TACR3: variants seen among roughly 807,000 people sequenced by gnomAD.
TACR3 encodes the protein neuromedin-K receptor.
TACR3 carries 34 observed loss-of-function variants against 35.0 expected under a neutral mutation model. The observed-to-expected ratio is 0.97, with a 90% CI of 0.74 to 1.30. TACR3 has a LOEUF of 1.30. Among genes scored for constraint, TACR3 ranks in the 50% most tolerant of loss-of-function variants. The pLI is 0.00. For missense variants in TACR3, 558 were observed against 591.7 expected (o/e 0.94, Z 0.59); for synonymous variants, 233 against 221.1 (o/e 1.05, Z -0.48).
chr4:103,658,747 G>A (rs964746316), intron 1 of TACR3, among the ~76,000 whole-genome samples: 14 of 152,240 alleles, frequency 9.2e-5, no homozygotes, highest in Admixed American at 2.6e-4. Context: ...ACCAAGGATC[G>A]GTTTTATGGA....
intron 3 of TACR3, among the ~76,000 whole-genome samples, chr4:103,631,560 T>C (rs576957633): frequency 6.6e-6 from 1 of 152,266 alleles, no homozygotes; most frequent in Non-Finnish European, 1.5e-5. Flanking sequence ...CCTGAGGGAA[T>C]TAATATAGTC....
rs1238175078 is a variant in TACR3, at chr4:103,719,693, C to T, written c.-18G>A. The T allele has an allele frequency of 1.2e-6, 2 of 1,605,240 alleles. No individual in the cohort carries two copies. Among genetic ancestry groups the T allele is most frequent in the African/African-American group, 2.7e-5 (2 of 74,918 alleles). On this transcript the variant is annotated 5_prime_UTR_variant, in exon 1 of 5. Coordinates refer to ENST00000304883, the MANE Select transcript of TACR3 (RefSeq NM_001059.3). Reference sequence around the variant, plus strand: ...GTGGCCATCGCCACCGGTCTGCAGTCCCGGACCCTCCCACTCACCCACGGG... The same window carrying T: ...GTGGCCATCGCCACCGGTCTGCAGTTCCGGACCCTCCCACTCACCCACGGG...
At chr4:103,692,601 G>A (rs1371146962) in intron 1 of TACR3, among the ~76,000 whole-genome samples, 7 of 152,132 alleles carry the variant, frequency 4.6e-5, no homozygotes, top group South Asian at 2.1e-4. Context: ...TCACCATCAC[G>A]TCAGATAATG....
chr4:103,637,836 C>T (rs1725231312), intron 3 of TACR3, among the ~76,000 whole-genome samples: 1 of 152,082 alleles, frequency 6.6e-6, no homozygotes, highest in Non-Finnish European at 1.5e-5. Flanking sequence ...CTCCCTTTCA[C>T]AATTGCTACA....
In TACR3 at chr4:103,719,863, A is replaced by ATCCCCTAAC; in HGVS notation, c.-189_-188insGTTAGGGGA. The ATCCCCTAAC allele has an allele frequency of 1.4e-6, 1 of 705,542 alleles. No individual in the cohort carries two copies. The highest frequency in any genetic ancestry group is 2.3e-6 in the Non-Finnish European group (1 of 432,028). The allele number at this position is 705,542 out of a possible 1,614,324, so 43.7% of individuals were successfully genotyped here. ...GCTGGGGCTAAGGGGCAACAGCTGC[A>ATCCCCTAAC]CTTTCTCAGAGGCGCTTGCGGCTCT... On this transcript the variant is annotated 5_prime_UTR_variant, in exon 1 of 5. It adds an upstream start codon to the 5' untranslated region. Transcript: ENST00000304883.
chr4:103,623,826 C>A (rs76729298), intron 3 of TACR3, among the ~76,000 whole-genome samples: 2,142 of 152,224 alleles, frequency 0.014, 47 homozygotes, highest in African/African-American at 0.05. Flanking sequence ...CTAGGAGATG[C>A]TCCAGGAAAT....
At chr4:103,676,829 A>G (rs1726181095) in intron 1 of TACR3, among the ~76,000 whole-genome samples, 1 of 152,196 alleles carries the variant, frequency 6.6e-6, no homozygotes, top group Admixed American at 6.5e-5. Context: ...AAGTTTCCAA[A>G]AGCAATTGCA....
intron 3 of TACR3, among the ~76,000 whole-genome samples, chr4:103,615,650 G>T (rs1724638546): frequency 6.6e-6 from 1 of 152,058 alleles, no homozygotes. Flanking sequence ...TAAATGTCTT[G>T]TTCTTGATAT....
chr4:103,706,846 C>T (rs567794530), intron 1 of TACR3, among the ~76,000 whole-genome samples: 3 of 152,124 alleles, frequency 2.0e-5, no homozygotes, highest in Admixed American at 6.6e-5. Context: ...GGGATAAAAT[C>T]GATTCCAAGA....
intron 1 of TACR3, among the ~76,000 whole-genome samples, chr4:103,677,890 G>GA (rs1197982052): frequency 2.0e-5 from 3 of 149,552 alleles, no homozygotes; most frequent in Non-Finnish European, 3.0e-5. Flanking sequence ...TAAGAAAAAA[G>GA]AAAAAAGGTG....
intron 1 of TACR3, among the ~76,000 whole-genome samples, chr4:103,675,548 CA>C (rs1183068392): frequency 6.6e-6 from 1 of 152,026 alleles, no homozygotes; most frequent in Non-Finnish European, 1.5e-5. Flanking sequence ...GAATGTTATC[CA>C]GGACTAGCAA....
intron 1 of TACR3, among the ~76,000 whole-genome samples, chr4:103,682,761 A>T (rs902664292): frequency 1.3e-5 from 2 of 152,108 alleles, no homozygotes; most frequent in African/African-American, 4.8e-5. Context: ...TGCTGTCAAG[A>T]TGTTGGCTGG....
chr4:103,605,897 C>T (rs1417146745), intron 3 of TACR3, among the ~76,000 whole-genome samples: 1 of 152,124 alleles, frequency 6.6e-6, no homozygotes, highest in African/African-American at 2.4e-5. Flanking sequence ...GAAGTCCTTG[C>T]CCATGCCTAT....
At chr4:103,595,652 T>C (rs1048920896) in intron 3 of TACR3, among the ~76,000 whole-genome samples, 2 of 152,202 alleles carry the variant, frequency 1.3e-5, no homozygotes, top group East Asian at 3.9e-4. Flanking sequence ...AAAGCAAAAA[T>C]TAGTTTAGGA....
At chr4:103,620,169 G>A (rs965131909) in intron 3 of TACR3, among the ~76,000 whole-genome samples, 1 of 152,144 alleles carries the variant, frequency 6.6e-6, no homozygotes, top group African/African-American at 2.4e-5. Flanking sequence ...AGTTGTCAGA[G>A]AAATGCAAAT....
chr4:103,600,738 C>G (rs941051240), intron 3 of TACR3, among the ~76,000 whole-genome samples: 1 of 152,000 alleles, frequency 6.6e-6, no homozygotes, highest in Non-Finnish European at 1.5e-5. Context: ...ATTCAGGAGC[C>G]GGTTGTTCAT....
chr4:103,638,267 G>T (rs111517946), intron 3 of TACR3, among the ~76,000 whole-genome samples: 15,778 of 150,544 alleles, frequency 0.1, 948 homozygotes, highest in East Asian at 0.19. Context: ...ACAGAACAGA[G>T]CCCTCAGAAA....
intron 1 of TACR3, among the ~76,000 whole-genome samples, chr4:103,682,187 C>T (rs971904686): frequency 8.5e-5 from 13 of 152,204 alleles, no homozygotes; most frequent in Middle Eastern, 3.4e-3. Context: ...GGCTGTAGTG[C>T]ATTGTGCAGT....
At chr4:103,620,175 C>T (rs976539329) in intron 3 of TACR3, among the ~76,000 whole-genome samples, 1 of 152,044 alleles carries the variant, frequency 6.6e-6, no homozygotes, top group Non-Finnish European at 1.5e-5. Flanking sequence ...CAGAGAAATG[C>T]AAATTAAAGC....
Sources: gnomAD v4.1 joint callset for allele counts (sites outside exome capture counted in the v4.1 genomes callset) on GRCh38, gnomAD v4.1.1 for gene constraint, MANE v1.5 for transcripts, NCBI Gene and HGNC (gene_info 2026-07-23, HGNC 2026-07-21) for gene names.